The following MYO10 variants were observed in gnomAD, a reference collection of about 807,000 sequenced individuals.
MYO10 encodes the protein myosin X.
Under a neutral mutation model 257.3 loss-of-function variants are expected in MYO10, and 133 were observed. The observed-to-expected ratio is 0.52, with a 90% CI of 0.45 to 0.60. The LOEUF (loss-of-function observed/expected upper bound fraction) is 0.60, where lower values mean the gene tolerates loss of function less well. MYO10 is among the 20% of genes least tolerant of loss of function. MYO10 has a pLI of 0.00. For missense variants in MYO10, 2,399 were observed against 2,635.7 expected, an observed-to-expected ratio of 0.91 and a Z score of 1.97; for synonymous variants, 1,104 against 1,028.6, an observed-to-expected ratio of 1.07 and a Z score of -1.40.
chr5:16,894,207 C>G (rs1019208170), intron 1 of MYO10, among the ~76,000 whole-genome samples: 1 of 152,168 alleles, frequency 6.6e-6, no homozygotes, highest in Admixed American at 6.5e-5. Context: ...CACCTAATGT[C>G]CTTTTTCCGT....
At chr5:16,825,785 A>T (rs1233494101) in intron 2 of MYO10, among the ~76,000 whole-genome samples, 1 of 152,300 alleles carries the variant, frequency 6.6e-6, no homozygotes, top group African/African-American at 2.4e-5. Flanking sequence ...GGAGGCGGAC[A>T]TTGCAATTTG....
intron 2 of MYO10, among the ~76,000 whole-genome samples, chr5:16,822,236 G>A (rs937185027): frequency 3.3e-5 from 5 of 151,098 alleles, no homozygotes; most frequent in East Asian, 3.9e-4. Context: ...GTTTACCTAC[G>A]TGACAAACTA....
At chr5:16,705,565 C>CA (rs1417606191) in intron 21 of MYO10, among the ~76,000 whole-genome samples, 1 of 152,214 alleles carries the variant, frequency 6.6e-6, no homozygotes, top group Non-Finnish European at 1.5e-5. Flanking sequence ...CAACCAGTAT[C>CA]AAACATTTTC....
At chr5:16,823,446 C>CG (rs1171973848) in intron 2 of MYO10, among the ~76,000 whole-genome samples, 60 of 4,180 alleles carry the variant, frequency 0.014, 19 homozygotes, top group African/African-American at 0.018. Flanking sequence ...CTCCATCTTG[C>CG]GCGGGGGGGG....
chr5:16,879,742 C>G (rs1459384529), intron 1 of MYO10, among the ~76,000 whole-genome samples: 1 of 152,204 alleles, frequency 6.6e-6, no homozygotes, highest in Non-Finnish European at 1.5e-5. Context: ...TCTAACAACA[C>G]AGAGTCACCT....
At chr5:16,760,409 C>T (rs1441408678) in intron 17 of MYO10, among the ~76,000 whole-genome samples, 8 of 149,036 alleles carry the variant, frequency 5.4e-5, no homozygotes, top group South Asian at 2.1e-4. Flanking sequence ...TGCAGTGAGC[C>T]GAGATTGCGC....
chr5:16,873,946 G>T (rs2126758721), intron 2 of MYO10, among the ~76,000 whole-genome samples: 1 of 152,144 alleles, frequency 6.6e-6, no homozygotes, highest in African/African-American at 2.4e-5. Flanking sequence ...CTCTGATATG[G>T]CCTGGAGACA....
intron 9 of MYO10, among the ~76,000 whole-genome samples, chr5:16,773,429 G>A: frequency 6.6e-6 from 1 of 151,992 alleles, no homozygotes; most frequent in East Asian, 1.9e-4. Context: ...CTTCATCTAT[G>A]ACAAGATATA....
intron 4 of MYO10, among the ~76,000 whole-genome samples, chr5:16,785,628 GGGA>G (rs564659466): frequency 6.6e-6 from 1 of 152,332 alleles, no homozygotes; most frequent in East Asian, 1.9e-4. Flanking sequence ...CCAGCACCAT[GGGA>G]GGCTGAGGCG....
chr5:16,819,571 G>A (rs997619873), intron 2 of MYO10, among the ~76,000 whole-genome samples: 4 of 152,062 alleles, frequency 2.6e-5, no homozygotes, highest in African/African-American at 7.2e-5. Context: ...AAAAAAAAAG[G>A]ATGTTAAATA....
Position 16,779,633 on chromosome 5 carries a change from G to A in MYO10, c.842C>T (p.Ser281Phe), listed in dbSNP as rs747951073. The change falls in exon 9 of 41, where the codon TCT (serine) becomes TTT (phenylalanine). Residue 281 changes from serine to phenylalanine, a missense_variant. Physicochemically the swap from Ser to Phe is radical, Grantham distance 155. Around this residue, in one of 3 missense-constraint regions of MYO10, gnomAD observed 337 missense variants for 446.8 expected, o/e 0.75. Coordinates refer to ENST00000513610, the MANE Select transcript of MYO10 (RefSeq NM_012334.3). Reference protein sequence around the residue: ...EHEEREEFYLSTPENYHYLNQ... With the variant: ...EHEEREEFYLFTPENYHYLNQ... ...CAAGTAGTGGTAGTTTTCTGGCGTA[G>A]ATAAATAAAATTCTTCTACAGAAAG... The A allele has an allele frequency of 3.1e-6, 5 of 1,598,750 alleles. No homozygotes were observed. The highest frequency in any genetic ancestry group is 1.7e-4 in the Middle Eastern group (1 of 6,058).
chr5:16,797,472 C>A (rs185265021), intron 3 of MYO10, among the ~76,000 whole-genome samples: 184 of 152,242 alleles, frequency 1.2e-3, no homozygotes, highest in African/African-American at 4.3e-3. Context: ...CGATTCCACT[C>A]CTAGATACAT....
chr5:16,722,712 G>C (rs1056111471), intron 19 of MYO10, among the ~76,000 whole-genome samples: 1 of 152,168 alleles, frequency 6.6e-6, no homozygotes, highest in Non-Finnish European at 1.5e-5. Context: ...TGTATGTAAT[G>C]TAAATCACAA....
intron 2 of MYO10, among the ~76,000 whole-genome samples, chr5:16,827,810 T>TAA (rs1743045832): frequency 6.6e-6 from 1 of 152,182 alleles, no homozygotes; most frequent in Non-Finnish European, 1.5e-5. Context: ...GCCAGCTGCA[T>TAA]GCATCAGACA....
intron 21 of MYO10, among the ~76,000 whole-genome samples, 152 bp from the exon 22 acceptor site, chr5:16,704,837 G>T (rs1346886927): frequency 6.6e-6 from 1 of 152,146 alleles, no homozygotes; most frequent in Non-Finnish European, 1.5e-5. Flanking sequence ...GCTTTTTAAA[G>T]GTTCCACCTG....
Position 16,762,115 on chromosome 5 carries a change from TAAAAAAAAAAAAAAAAAA to T in MYO10, c.1588-20_1588-3del. On this transcript the variant is annotated splice_polypyrimidine_tract_variant and splice_region_variant and intron_variant, in intron 15 of 40. Transcript: ENST00000513610. ...GGGCTTCACATAAAAGTGGTTATTC[TAAAAAAAAAAAAAAAAAA>T]AAAAAAAAAAATACAATGCCTTATT... 3.5e-6 allele frequency: 2 copies of T among 566,700 alleles called. No individual in the cohort carries two copies. The highest frequency in any genetic ancestry group is 5.6e-4 in the Middle Eastern group (1 of 1,784). The allele number at this position is 566,700 out of a possible 1,614,324, so 35.1% of individuals were successfully genotyped here.
At chr5:16,785,845 G>A (rs962591562) in intron 4 of MYO10, among the ~76,000 whole-genome samples, 5 of 151,882 alleles carry the variant, frequency 3.3e-5, no homozygotes, top group Non-Finnish European at 7.4e-5. Flanking sequence ...ATTCCAGCCT[G>A]GGCAACAGAG....
intron 3 of MYO10, among the ~76,000 whole-genome samples, chr5:16,800,855 G>A (rs373662010): frequency 6.6e-6 from 1 of 151,962 alleles, no homozygotes; most frequent in Admixed American, 6.6e-5. Flanking sequence ...GTCTGAATGC[G>A]TGGTTAACGT....
intron 3 of MYO10, among the ~76,000 whole-genome samples, chr5:16,796,468 GA>G (rs59682161): frequency 0.12 from 6,590 of 52,780 alleles, 301 homozygotes; most frequent in South Asian, 0.22. Flanking sequence ...AAGAAAGAAA[GA>G]AAAGAAAAGA....
Sources: gnomAD v4.1 joint callset for allele counts (sites outside exome capture counted in the v4.1 genomes callset) on GRCh38, gnomAD v4.1.1 for gene constraint, gnomAD v4.1.1 regional missense constraint, MANE v1.5 for transcripts, NCBI Gene and HGNC (gene_info 2026-07-23, HGNC 2026-07-21) for gene names.